KIAA1217: variants seen among roughly 807,000 people sequenced by gnomAD.
KIAA1217 encodes KIAA1217.
KIAA1217 carries 88 observed loss-of-function variants against 163.9 expected under a neutral mutation model. The observed-to-expected ratio is 0.54, with a 90% CI of 0.45 to 0.64. The LOEUF (loss-of-function observed/expected upper bound fraction) is 0.64, where lower values mean the gene tolerates loss of function less well. Among genes scored for constraint, KIAA1217 ranks in the 30% least tolerant of loss-of-function variants. KIAA1217 has a pLI of 0.00. For missense variants in KIAA1217, 2,372 were observed against 2,475.0 expected, an observed-to-expected ratio of 0.96 and a Z score of 0.88; for synonymous variants, 903 against 923.1, an observed-to-expected ratio of 0.98 and a Z score of 0.39.
At chr10:24,177,361 GTA>G (rs58347791) in intron 2 of KIAA1217, among the ~76,000 whole-genome samples, 5,853 of 129,076 alleles carry the variant, frequency 0.045, 226 homozygotes, top group African/African-American at 0.11. Flanking sequence ...TATCATATGT[GTA>G]TATATATATA....
chr10:23,797,049 T>C (rs766527835), intron 1 of KIAA1217, among the ~76,000 whole-genome samples: 13 of 152,158 alleles, frequency 8.5e-5, no homozygotes, highest in Non-Finnish European at 1.5e-4. Flanking sequence ...AAAGACAGGA[T>C]CTTACTATGT....
chr10:24,091,582 C>G (rs776164575), intron 2 of KIAA1217, among the ~76,000 whole-genome samples: 1 of 151,818 alleles, frequency 6.6e-6, no homozygotes, highest in Non-Finnish European at 1.5e-5. Context: ...GTCCCCAACT[C>G]CTGTACCTAC....
intron 1 of KIAA1217, among the ~76,000 whole-genome samples, chr10:23,711,196 C>T (rs770291068): frequency 6.6e-6 from 1 of 152,096 alleles, no homozygotes; most frequent in Non-Finnish European, 1.5e-5. Flanking sequence ...AATGATGTTC[C>T]CTTAACCCCA....
intron 2 of KIAA1217, among the ~76,000 whole-genome samples, chr10:24,306,076 C>T (rs1285214412): frequency 6.6e-6 from 1 of 152,202 alleles, no homozygotes; most frequent in Non-Finnish European, 1.5e-5. Context: ...TTAACATTTC[C>T]TGACTCACCA....
At chr10:24,031,751 G>C (rs1848195559) in intron 2 of KIAA1217, among the ~76,000 whole-genome samples, 1 of 152,136 alleles carries the variant, frequency 6.6e-6, no homozygotes, top group African/African-American at 2.4e-5. Flanking sequence ...TATGTGGTTT[G>C]AGTAAAGAGG....
intron 5 of KIAA1217, among the ~76,000 whole-genome samples, chr10:24,451,919 T>C (rs2132304184): frequency 6.6e-6 from 1 of 152,208 alleles, no homozygotes; most frequent in East Asian, 1.9e-4. Flanking sequence ...CAGCAAGGCA[T>C]CCCAGACCAT....
chr10:23,719,908 G>A (rs75738300), intron 1 of KIAA1217, among the ~76,000 whole-genome samples: 121 of 152,098 alleles, frequency 8.0e-4, no homozygotes, highest in Middle Eastern at 3.4e-3. Flanking sequence ...GTGAGACTCC[G>A]CCTCAAACAA....
intron 3 of KIAA1217, among the ~76,000 whole-genome samples, chr10:24,420,144 T>C (rs1355977077): frequency 3.3e-5 from 5 of 152,210 alleles, no homozygotes; most frequent in Non-Finnish European, 7.3e-5. Context: ...ATAGTGATTA[T>C]GCAAATTTAC....
chr10:24,407,285 T>TGC (rs1195328641), intron 3 of KIAA1217, among the ~76,000 whole-genome samples: 5 of 148,830 alleles, frequency 3.4e-5, no homozygotes, highest in South Asian at 4.2e-4. Flanking sequence ...TGTGTGTGTG[T>TGC]GCGTGCGTGT....
intron 1 of KIAA1217, among the ~76,000 whole-genome samples, chr10:23,967,961 T>C (rs1363410901): frequency 6.7e-6 from 1 of 148,780 alleles, no homozygotes; most frequent in East Asian, 2.1e-4. Context: ...TTTTTTAAAA[T>C]TTTACTTTAA....
At chr10:24,515,801 A>G (rs1450055097) in intron 10 of KIAA1217, among the ~76,000 whole-genome samples, 1 of 152,216 alleles carries the variant, frequency 6.6e-6, no homozygotes, top group Non-Finnish European at 1.5e-5. Context: ...GCTGGGCACA[A>G]TGGTTCATGC....
At chr10:24,372,047 C>T (rs577209354) in intron 2 of KIAA1217, among the ~76,000 whole-genome samples, 1 of 152,086 alleles carries the variant, frequency 6.6e-6, no homozygotes, top group Non-Finnish European at 1.5e-5. Flanking sequence ...ACTGGGGACT[C>T]CTGGAGTGGG....
Position 24,349,477 on chromosome 10 carries a change from T to C in KIAA1217, c.355-31392T>C, listed in dbSNP as rs557890104. ...CTCCTGACCACAACTCTGCATAAGC[T>C]ACAGGGTGGTTTTCCCATTTTACAG... On this transcript the variant is annotated intron_variant, in intron 2 of 20. Transcript: ENST00000376454. Among the ~76,000 whole-genome samples the C allele has an allele frequency of 4.0e-4, 61 of 152,344 alleles. 1 individual carries two copies. The South Asian group carries it at 9.5e-3, about 24-fold the overall frequency.
At chr10:24,070,027 A>G (rs555671523) in intron 2 of KIAA1217, among the ~76,000 whole-genome samples, 1 of 152,242 alleles carries the variant, frequency 6.6e-6, no homozygotes, top group African/African-American at 2.4e-5. Context: ...TTTTGTAGAG[A>G]TAGTGTCTCA....
intron 2 of KIAA1217, among the ~76,000 whole-genome samples, chr10:24,265,880 G>A (rs1248791073): frequency 1.3e-5 from 2 of 152,094 alleles, no homozygotes; most frequent in African/African-American, 4.8e-5. Context: ...TGTAGAGGTG[G>A]GATGAGGAGT....
At chr10:24,231,944 C>T (rs1310308177) in intron 2 of KIAA1217, among the ~76,000 whole-genome samples, 2 of 152,100 alleles carry the variant, frequency 1.3e-5, no homozygotes, top group African/African-American at 4.8e-5. Context: ...CAGGCATGTG[C>T]CACCACGCCT....
At chr10:23,730,489 T>G (rs963218749) in intron 1 of KIAA1217, among the ~76,000 whole-genome samples, 3 of 152,164 alleles carry the variant, frequency 2.0e-5, no homozygotes, top group African/African-American at 7.2e-5. Context: ...ATTTTGCCTT[T>G]CCATATAAAC....
chr10:24,506,698 A>G (rs1021036965), intron 9 of KIAA1217, among the ~76,000 whole-genome samples: 5 of 152,206 alleles, frequency 3.3e-5, no homozygotes, highest in Non-Finnish European at 7.3e-5. Flanking sequence ...ATGGGGGGAA[A>G]AAACCTACAG....
At chr10:24,387,572 A>G (rs1174902240) in intron 3 of KIAA1217, among the ~76,000 whole-genome samples, 2 of 152,180 alleles carry the variant, frequency 1.3e-5, no homozygotes, top group Non-Finnish European at 2.9e-5. Context: ...GGCAAGAGAA[A>G]GAAATAAAGG....
Sources: gnomAD v4.1 joint callset for allele counts (sites outside exome capture counted in the v4.1 genomes callset) on GRCh38, gnomAD v4.1.1 for gene constraint, MANE v1.5 for transcripts, NCBI Gene and HGNC (gene_info 2026-07-23, HGNC 2026-07-21) for gene names.